DLC1: variants seen among roughly 807,000 people sequenced by gnomAD.
DLC1 encodes DLC1 Rho GTPase activating protein.
DLC1 carries 54 observed loss-of-function variants against 140.3 expected under a neutral mutation model. The ratio of observed to expected loss-of-function variants is 0.38; its 90% CI spans 0.31 to 0.48. DLC1 has a LOEUF of 0.48. DLC1 is among the 20% of genes least tolerant of loss of function. The probability of loss-of-function intolerance (pLI) is 0.96; values close to 1 mark genes in which losing one functional copy is unlikely to be tolerated. For synonymous variants in DLC1, 986 were observed against 728.1 expected, an observed-to-expected ratio of 1.35 and a Z score of -5.70; for missense variants, 2,536 against 1,907.0, an observed-to-expected ratio of 1.33 and a Z score of -6.14.
chr8:13,330,334 C>G (rs975804490), intron 4 of DLC1, among the ~76,000 whole-genome samples: 2 of 152,168 alleles, frequency 1.3e-5, no homozygotes, highest in African/African-American at 4.8e-5. Context: ...CCAGCACAAC[C>G]TGGCAGAGGT....
intron 1 of DLC1, among the ~76,000 whole-genome samples, chr8:13,538,186 A>G (rs1445558791): frequency 6.6e-6 from 1 of 152,112 alleles, no homozygotes; most frequent in Non-Finnish European, 1.5e-5. Flanking sequence ...GTGGGAGCAG[A>G]GATAATATGA....
intron 5 of DLC1, among the ~76,000 whole-genome samples, chr8:13,211,177 T>G (rs1451613918): frequency 6.6e-6 from 1 of 152,206 alleles, no homozygotes; most frequent in Non-Finnish European, 1.5e-5. Flanking sequence ...TTACATTATG[T>G]GGTTCTGGGA....
intron 5 of DLC1, among the ~76,000 whole-genome samples, chr8:13,142,101 G>A (rs902545171): frequency 6.6e-6 from 1 of 152,124 alleles, no homozygotes; most frequent in South Asian, 2.1e-4. Flanking sequence ...ATACACAGTC[G>A]CTCCTGCCGC....
chr8:13,146,379 A>G (rs758645812), intron 5 of DLC1, among the ~76,000 whole-genome samples: 2 of 151,812 alleles, frequency 1.3e-5, no homozygotes, highest in Non-Finnish European at 1.5e-5. Context: ...AGTACTAGTT[A>G]CCCTCTATTG....
chr8:13,166,950 G>A (rs370819957), intron 5 of DLC1, among the ~76,000 whole-genome samples: 4 of 151,886 alleles, frequency 2.6e-5, no homozygotes, highest in Non-Finnish European at 5.9e-5. Flanking sequence ...CCTGAGAGAC[G>A]GACCCATTTC....
chr8:13,590,825 C>T lies in DLC1; in HGVS notation c.-126+13712G>A, dbSNP rs532701943. ...ATAGAATATTTAGTTTGTTTTCTAT[C>T]AATGTAATTAAAAATGCTTCATTTA... On this transcript the variant is annotated intron_variant, in intron 1 of 1. Coordinates refer to the DLC1 transcript ENST00000631382. 5.3e-5 allele frequency among the ~76,000 whole-genome samples: 8 copies of T among 152,126 alleles called. No homozygotes were observed. In the East Asian group the frequency reaches 1.5e-3, roughly 29 times the overall value.
At chr8:13,468,712 C>G (rs1188426277) in intron 2 of DLC1, among the ~76,000 whole-genome samples, 2 of 148,606 alleles carry the variant, frequency 1.3e-5, no homozygotes, top group Non-Finnish European at 3.0e-5. Context: ...TTTCTTCTTT[C>G]TTACCTTGAT....
At position 13,499,009 on chromosome 8, in the gene DLC1, C is replaced by T. The variant is rs879180181; in HGVS notation, c.1023+40G>A. Reference sequence around the variant, plus strand: ...TAACTGATAAATCCAAGGATATTTACAAAATTTCAAAAGCCAGAGAATCTG... The same window carrying T: ...TAACTGATAAATCCAAGGATATTTATAAAATTTCAAAAGCCAGAGAATCTG... On this transcript the variant is annotated intron_variant, in intron 2 of 17. Coordinates refer to ENST00000276297, the MANE Select transcript of DLC1 (RefSeq NM_182643.3). The T allele has an allele frequency of 7.2e-6, 11 of 1,533,226 alleles. No homozygotes were observed. The South Asian group carries it at 1.4e-4, about 20-fold the overall frequency. 95.0% of individuals were successfully genotyped at this position (1,533,226 alleles called of 1,614,324 possible). A position where few individuals can be genotyped will look rare whatever the true frequency, so the allele number is the denominator to read the frequency against.
intron 5 of DLC1, among the ~76,000 whole-genome samples, chr8:13,281,347 G>A (rs986665483): frequency 6.6e-6 from 1 of 152,160 alleles, no homozygotes; most frequent in African/African-American, 2.4e-5. Context: ...ACTATTAGGT[G>A]TATATTGATG....
chr8:13,388,692 A>G (rs1483380187), intron 4 of DLC1, among the ~76,000 whole-genome samples: 2 of 152,008 alleles, frequency 1.3e-5, no homozygotes, highest in African/African-American at 4.8e-5. Context: ...ATATATGTAC[A>G]CACACAAGGA....
At chr8:13,225,452 C>T (rs934695085) in intron 5 of DLC1, among the ~76,000 whole-genome samples, 3 of 152,104 alleles carry the variant, frequency 2.0e-5, no homozygotes, top group African/African-American at 7.2e-5. Flanking sequence ...GTCTTTCTGA[C>T]CTCACAGCTG....
At chr8:13,379,004 A>G (rs556793012) in intron 4 of DLC1, among the ~76,000 whole-genome samples, 1 of 152,350 alleles carries the variant, frequency 6.6e-6, no homozygotes, top group African/African-American at 2.4e-5. Flanking sequence ...TTTTGCCTCA[A>G]GCTTTTAAAT....
chr8:13,207,623 C>T (rs912778871), intron 5 of DLC1, among the ~76,000 whole-genome samples: 1 of 152,050 alleles, frequency 6.6e-6, no homozygotes, highest in Non-Finnish European at 1.5e-5. Flanking sequence ...TTGCTTTACA[C>T]CATATATTAG....
At chr8:13,491,900 G>C (rs566244419) in intron 2 of DLC1, among the ~76,000 whole-genome samples, 1 of 152,148 alleles carries the variant, frequency 6.6e-6, no homozygotes, top group African/African-American at 2.4e-5. Flanking sequence ...ACATGCATTC[G>C]TTCTAGCATT....
chr8:13,521,437 T>C (rs768358617), intron 1 of DLC1, among the ~76,000 whole-genome samples: 13 of 152,058 alleles, frequency 8.5e-5, no homozygotes, highest in Non-Finnish European at 1.2e-4. Flanking sequence ...CTTGCCATGG[T>C]TGGCTTAGAG....
intron 5 of DLC1, among the ~76,000 whole-genome samples, chr8:13,207,809 C>G (rs766814345): frequency 2.6e-5 from 4 of 152,118 alleles, no homozygotes; most frequent in African/African-American, 4.8e-5. Flanking sequence ...ATGTACAGTT[C>G]TCCACGACAA....
At chr8:13,527,608 T>G (rs1034996592) in intron 1 of DLC1, among the ~76,000 whole-genome samples, 5 of 152,190 alleles carry the variant, frequency 3.3e-5, no homozygotes, top group Non-Finnish European at 7.4e-5. Context: ...CTATGGATGA[T>G]TTGAATTATT....
At chr8:13,520,504 G>C (rs978289429) in intron 1 of DLC1, among the ~76,000 whole-genome samples, 4 of 152,020 alleles carry the variant, frequency 2.6e-5, no homozygotes, top group African/African-American at 9.7e-5. Context: ...GATAACATTA[G>C]GAGAAATACC....
At chr8:13,297,292 A>AAAAAAAAAAAAAAAAAAC (rs1563233241) in intron 5 of DLC1, among the ~76,000 whole-genome samples, 1 of 144,454 alleles carries the variant, frequency 6.9e-6, no homozygotes, top group African/African-American at 2.6e-5. Flanking sequence ...TAAAAAAAAA[A>AAAAAAAAAAAAAAAAAAC]AAAACTGAAG....
Sources: allele counts gnomAD v4.1 joint callset (sites outside exome capture counted in the v4.1 genomes callset), GRCh38; gene constraint gnomAD v4.1.1; transcripts MANE v1.5; gene names NCBI Gene and HGNC (gene_info 2026-07-23, HGNC 2026-07-21).